APBA1: variants seen among roughly 807,000 people sequenced by gnomAD.
APBA1 encodes the protein amyloid beta precursor protein binding family A member 1, also known as amyloid-beta A4 precursor protein-binding family A member 1.
A neutral mutation model predicts 86.6 loss-of-function variants in APBA1; 55 were observed. The observed-to-expected ratio is 0.64, with a 90% CI of 0.51 to 0.80. APBA1 has a LOEUF of 0.80. Among genes scored for constraint, APBA1 ranks in the 30% least tolerant of loss-of-function variants. The pLI is 0.00. For synonymous variants in APBA1, 511 were observed against 493.9 expected (o/e 1.03, Z -0.46); for missense variants, 1,090 against 1,183.0 (o/e 0.92, Z 1.15).
In APBA1 at chr9:69,467,878, G is replaced by A. The variant is rs758740930; in HGVS notation, c.1427C>T (p.Thr476Ile). 6.2e-7 allele frequency: 1 copy of A among 1,614,198 alleles called. No individual in the cohort carries two copies. The highest frequency in any genetic ancestry group is 8.5e-7 in the Non-Finnish European group (1 of 1,180,044). The stretch of plus-strand genomic sequence containing the variant: ...CATCATGCGCACGTTTTTGGAAGGA[G>A]TTTTGTCTGAGAGCAGCTGAGTGGA... ...LGSTQLLSDK[T>I]PSKNVRMMQA... The change falls in exon 5 of 13, where the codon ACT becomes ATT. Residue 476 changes from threonine to isoleucine, a missense_variant. Coordinates refer to ENST00000265381, the MANE Select transcript of APBA1 (RefSeq NM_001163.4).
chr9:69,646,975 A>T (rs960872276), intron 1 of APBA1, among the ~76,000 whole-genome samples: 3 of 152,164 alleles, frequency 2.0e-5, no homozygotes, highest in African/African-American at 7.2e-5. Context: ...AATTGCCTAT[A>T]ACCCTGGGGA....
At chr9:69,547,447 T>C (rs1474312706) in intron 1 of APBA1, among the ~76,000 whole-genome samples, 1 of 152,134 alleles carries the variant, frequency 6.6e-6, no homozygotes, top group East Asian at 1.9e-4. Context: ...GTGACTTCCA[T>C]TTATATCTCC....
At chr9:69,456,904 G>C in intron 7 of APBA1, 149 bp downstream of exon 7, 1 of 605,058 alleles carries the variant, frequency 1.7e-6, no homozygotes, top group Non-Finnish European at 2.8e-6. Flanking sequence ...CCCAGCAGCA[G>C]GCACTGTGAA....
chr9:69,631,260 C>A (rs1199479184), intron 1 of APBA1, among the ~76,000 whole-genome samples: 1 of 152,206 alleles, frequency 6.6e-6, no homozygotes, highest in Non-Finnish European at 1.5e-5. Context: ...TGAACAGACA[C>A]TTCTCAAAAG....
chr9:69,610,263 T>C (rs983921042), intron 1 of APBA1, among the ~76,000 whole-genome samples: 1 of 152,168 alleles, frequency 6.6e-6, no homozygotes, highest in African/African-American at 2.4e-5. Flanking sequence ...GAGTCTACAG[T>C]GGGCTAGGAT....
chr9:69,465,615 G>A (rs758177387), intron 5 of APBA1: 2 of 152,232 alleles, frequency 1.3e-5, no homozygotes, highest in Non-Finnish European at 2.9e-5. Flanking sequence ...GGCCAAGCTT[G>A]GATGGGCAGC....
At chr9:69,534,318 C>A (rs1836476145) in intron 1 of APBA1, among the ~76,000 whole-genome samples, 1 of 152,144 alleles carries the variant, frequency 6.6e-6, no homozygotes, top group Non-Finnish European at 1.5e-5. Context: ...ATAAACTCTC[C>A]TTGCGTCTAG....
intron 1 of APBA1, among the ~76,000 whole-genome samples, chr9:69,572,262 C>A (rs1837125953): frequency 6.6e-6 from 1 of 152,112 alleles, no homozygotes; most frequent in Non-Finnish European, 1.5e-5. Context: ...CCCTGACAGG[C>A]CCCAGTGTGT....
At chr9:69,481,492 C>T (rs1210881533) in intron 2 of APBA1, among the ~76,000 whole-genome samples, 2 of 151,878 alleles carry the variant, frequency 1.3e-5, no homozygotes, top group Non-Finnish European at 1.5e-5. Flanking sequence ...AATGGAAGAA[C>T]ATTCCATGCT....
chr9:69,451,789 T>C (rs1246713797), intron 9 of APBA1, among the ~76,000 whole-genome samples: 2 of 152,182 alleles, frequency 1.3e-5, no homozygotes. Context: ...CCTGGCACCA[T>C]CATTTAACTT....
intron 1 of APBA1, among the ~76,000 whole-genome samples, chr9:69,610,059 T>A (rs1238775209): frequency 6.6e-6 from 1 of 152,222 alleles, no homozygotes; most frequent in Admixed American, 6.5e-5. Flanking sequence ...GGCTGATGCA[T>A]GTAATTCCAG....
chr9:69,494,328 T>C (rs1375193942), intron 2 of APBA1: 1 of 152,066 alleles, frequency 6.6e-6, no homozygotes, highest in African/African-American at 2.4e-5. Flanking sequence ...GTTAAACCCA[T>C]GTTAAATCTA....
At chr9:69,475,389 A>G (rs1188844758) in intron 3 of APBA1, among the ~76,000 whole-genome samples, 1 of 152,232 alleles carries the variant, frequency 6.6e-6, no homozygotes, top group Non-Finnish European at 1.5e-5. Flanking sequence ...TGACAGGCAC[A>G]TGAGGCTAAT....
chr9:69,617,952 T>A (rs1442620937), intron 1 of APBA1, among the ~76,000 whole-genome samples: 1 of 137,402 alleles, frequency 7.3e-6, no homozygotes, highest in Non-Finnish European at 1.6e-5. Context: ...ATCATCAAGC[T>A]TAAACACACA....
chr9:69,638,634 T>C (rs920524270), intron 1 of APBA1, among the ~76,000 whole-genome samples: 47 of 152,310 alleles, frequency 3.1e-4, no homozygotes, highest in African/African-American at 1.1e-3. Flanking sequence ...TGCAGGCATG[T>C]GCATGTTTAA....
intron 1 of APBA1, among the ~76,000 whole-genome samples, chr9:69,643,416 A>C (rs1823327632): frequency 6.6e-6 from 1 of 152,188 alleles, no homozygotes; most frequent in African/African-American, 2.4e-5. Flanking sequence ...GCTAACAAGG[A>C]CATGGATAAT....
chr9:69,436,668 AT>A (rs1834727969), intron 11 of APBA1, among the ~76,000 whole-genome samples: 1 of 150,954 alleles, frequency 6.6e-6, no homozygotes, highest in Non-Finnish European at 1.5e-5. Flanking sequence ...GCTTAAGGAG[AT>A]TTTGGGCTGA....
At chr9:69,446,309 G>A (rs1225041211) in intron 10 of APBA1, among the ~76,000 whole-genome samples, 2 of 152,094 alleles carry the variant, frequency 1.3e-5, no homozygotes, top group Non-Finnish European at 2.9e-5. Context: ...TTCAACAAGC[G>A]GCGCACTGTG....
chr9:69,559,574 T>G (rs1433523926), intron 1 of APBA1, among the ~76,000 whole-genome samples: 1 of 152,250 alleles, frequency 6.6e-6, no homozygotes, highest in African/African-American at 2.4e-5. Context: ...TTCCATGTCA[T>G]TATCATTCTT....
Sources: gnomAD v4.1 joint callset for allele counts (sites outside exome capture counted in the v4.1 genomes callset) on GRCh38, gnomAD v4.1.1 for gene constraint, MANE v1.5 for transcripts, NCBI Gene and HGNC (gene_info 2026-07-23, HGNC 2026-07-21) for gene names.